The following CEP128 variants were observed in gnomAD, a reference collection of about 807,000 sequenced individuals.
CEP128 encodes the protein centrosomal protein 128.
A neutral mutation model predicts 156.7 loss-of-function variants in CEP128; 132 were observed. That is an observed-to-expected ratio of 0.84 (90% confidence interval 0.73 to 0.97). The LOEUF (loss-of-function observed/expected upper bound fraction) is 0.97. Ranked by LOEUF, CEP128 falls within the 50% of genes least tolerant of loss-of-function variation. The pLI, the probability that CEP128 is intolerant of heterozygous loss-of-function variation, is 0.00. For missense variants in CEP128, 1,252 were observed against 1,281.9 expected, an observed-to-expected ratio of 0.98 and a Z score of 0.36; for synonymous variants, 469 against 448.9, an observed-to-expected ratio of 1.04 and a Z score of -0.57.
At chr14:80,709,682 T>C (rs1419062395) in intron 19 of CEP128, among the ~76,000 whole-genome samples, 4 of 152,210 alleles carry the variant, frequency 2.6e-5, no homozygotes, top group African/African-American at 7.2e-5. Context: ...GGAACTAATA[T>C]GCCTTTCATT....
At chr14:80,649,070 A>T (rs1894782462) in intron 19 of CEP128, among the ~76,000 whole-genome samples, 1 of 152,140 alleles carries the variant, frequency 6.6e-6, no homozygotes, top group Non-Finnish European at 1.5e-5. Context: ...ACAAATAATG[A>T]GTAGAAAAGG....
At chr14:80,755,525 C>T (rs1270898117) in intron 18 of CEP128, among the ~76,000 whole-genome samples, 1 of 152,192 alleles carries the variant, frequency 6.6e-6, no homozygotes, top group Non-Finnish European at 1.5e-5. Flanking sequence ...GCAATCCCCA[C>T]CCAATCCTTG....
chr14:80,584,278 C>G (rs566654566), intron 19 of CEP128, among the ~76,000 whole-genome samples: 1 of 151,372 alleles, frequency 6.6e-6, no homozygotes, highest in African/African-American at 2.4e-5. Flanking sequence ...TCCTCAGTAG[C>G]TGGATTACAG....
At chr14:80,605,768 G>T (rs1435546732) in intron 19 of CEP128, among the ~76,000 whole-genome samples, 1 of 151,920 alleles carries the variant, frequency 6.6e-6, no homozygotes, top group African/African-American at 2.4e-5. Context: ...ACCTTCCAAA[G>T]GGCAGTCAAG....
intron 19 of CEP128, among the ~76,000 whole-genome samples, chr14:80,714,441 C>T (rs953423307): frequency 6.6e-6 from 1 of 152,066 alleles, no homozygotes; most frequent in African/African-American, 2.4e-5. Context: ...CCATTATGTA[C>T]ATAGAGCAGA....
chr14:80,836,020 A>G (rs560906953), intron 12 of CEP128, among the ~76,000 whole-genome samples, 185 bp downstream of exon 12: 1 of 152,342 alleles, frequency 6.6e-6, no homozygotes, highest in Non-Finnish European at 1.5e-5. Flanking sequence ...CCAAGCAGGG[A>G]AGATATTAAA....
intron 13 of CEP128, among the ~76,000 whole-genome samples, chr14:80,798,417 G>A (rs560604180): frequency 3.9e-5 from 6 of 152,302 alleles, no homozygotes; most frequent in East Asian, 1.9e-4. Flanking sequence ...GTGAAATTAC[G>A]CAAGACATGT....
intron 19 of CEP128, among the ~76,000 whole-genome samples, chr14:80,612,608 T>A (rs1893038074): frequency 6.6e-6 from 1 of 152,208 alleles, no homozygotes; most frequent in South Asian, 2.1e-4. Flanking sequence ...CACATCTTGG[T>A]AACTGAAAGA....
intron 17 of CEP128, among the ~76,000 whole-genome samples, chr14:80,757,535 T>C (rs571481081): frequency 6.6e-6 from 1 of 152,360 alleles, no homozygotes; most frequent in African/African-American, 2.4e-5. Context: ...ATAAAATCCC[T>C]TGCATCTGGT....
intron 20 of CEP128, among the ~76,000 whole-genome samples, chr14:80,573,968 C>T (rs8018399): frequency 0.65 from 98,976 of 152,022 alleles, 33,514 homozygotes; most frequent in African/African-American, 0.85. Flanking sequence ...TAGAGATACG[C>T]AGTTATTTGC....
intron 19 of CEP128, among the ~76,000 whole-genome samples, chr14:80,714,460 T>G (rs1897529677): frequency 6.6e-6 from 1 of 152,054 alleles, no homozygotes; most frequent in Admixed American, 6.6e-5. Context: ...GAAAGGTGTG[T>G]TTTTGTGTAT....
intron 5 of CEP128, 87 bp downstream of exon 5, chr14:80,905,868 T>C: frequency 7.8e-7 from 1 of 1,290,162 alleles, no homozygotes; most frequent in South Asian, 1.3e-5. Flanking sequence ...AAGTTATGTG[T>C]GGGTCATATT....
intron 23 of CEP128, among the ~76,000 whole-genome samples, chr14:80,516,820 G>A (rs1411461642): frequency 1.3e-5 from 2 of 152,170 alleles, no homozygotes; most frequent in African/African-American, 4.8e-5. Context: ...CAGAAGTTGG[G>A]GGAGGAGTGG....
intron 18 of CEP128, among the ~76,000 whole-genome samples, chr14:80,744,294 C>T (rs752949362): frequency 3.3e-5 from 5 of 152,098 alleles, no homozygotes; most frequent in Non-Finnish European, 5.9e-5. Context: ...AGGCTACCCT[C>T]CAATTCCTAG....
chr14:80,543,940 C>G (rs754929518), intron 21 of CEP128, among the ~76,000 whole-genome samples: 1 of 152,130 alleles, frequency 6.6e-6, no homozygotes, highest in African/African-American at 2.4e-5. Context: ...TTGGACACTT[C>G]GAGTGTGCTA....
At chr14:80,794,340 C>T (rs1008180790) in intron 13 of CEP128, among the ~76,000 whole-genome samples, 3 of 152,028 alleles carry the variant, frequency 2.0e-5, no homozygotes, top group Admixed American at 6.6e-5. Flanking sequence ...TTTTAAATGC[C>T]TCAAAAACAA....
rs575408411 is a variant in CEP128, at chr14:80,847,628, T to C, written c.763-6860A>G. 3.3e-5 allele frequency among the ~76,000 whole-genome samples: 5 copies of C among 152,252 alleles called. No homozygotes were observed. In the East Asian group the frequency reaches 9.6e-4, roughly 29 times the overall value. ...AGAATCACATTCATGAAGAATTTCC[T>C]AAAATAATGTGAAAATACAGTCTTA... On this transcript the variant is annotated intron_variant, in intron 9 of 24. Transcript: ENST00000555265.
intron 8 of CEP128, among the ~76,000 whole-genome samples, chr14:80,879,453 A>G (rs1473383117): frequency 6.6e-6 from 1 of 152,196 alleles, no homozygotes; most frequent in African/African-American, 2.4e-5. Context: ...AAAAACAGGA[A>G]AACAACTCAT....
chr14:80,901,669 T>C (rs537132909), intron 6 of CEP128, among the ~76,000 whole-genome samples: 2 of 152,316 alleles, frequency 1.3e-5, no homozygotes, highest in African/African-American at 4.8e-5. Context: ...GATGCATCCT[T>C]GACACCTCCT....
Sources: allele counts gnomAD v4.1 joint callset (sites outside exome capture counted in the v4.1 genomes callset), GRCh38; gene constraint gnomAD v4.1.1; transcripts MANE v1.5; gene names NCBI Gene and HGNC (gene_info 2026-07-23, HGNC 2026-07-21).